The following SLIT3 variants were observed in gnomAD, a reference collection of about 807,000 sequenced individuals.
SLIT3 encodes slit guidance ligand 3, also known as slit homolog 3 protein.
In SLIT3, 68 loss-of-function variants were observed where a neutral mutation model predicts 184.0. The observed-to-expected ratio is 0.37, with a 90% CI of 0.30 to 0.45. The LOEUF is 0.45. SLIT3 is among the 20% of genes least tolerant of loss of function. The probability of loss-of-function intolerance (pLI) is 1.00; values close to 1 mark genes in which losing one functional copy is unlikely to be tolerated. For synonymous variants in SLIT3, 831 were observed against 828.6 expected (o/e 1.00, Z -0.05); for missense variants, 1,707 against 2,026.0 (o/e 0.84, Z 3.02).
chr5:168,679,427 C>T (rs570578427), intron 32 of SLIT3, among the ~76,000 whole-genome samples: 1 of 152,102 alleles, frequency 6.6e-6, no homozygotes, highest in South Asian at 2.1e-4. Context: ...TTGTGCTACC[C>T]TATGCTAAGC....
At chr5:168,754,439 G>C (rs1032559445) in intron 16 of SLIT3, among the ~76,000 whole-genome samples, 4 of 152,116 alleles carry the variant, frequency 2.6e-5, no homozygotes, top group Admixed American at 1.3e-4. Context: ...TAAAAAAGTT[G>C]ATCTCATGGA....
chr5:169,100,320 C>T (rs1389590604), intron 4 of SLIT3, among the ~76,000 whole-genome samples: 2 of 152,130 alleles, frequency 1.3e-5, no homozygotes, highest in African/African-American at 4.8e-5. Context: ...GGGATCAGTC[C>T]TGGCAAAGTC....
intron 4 of SLIT3, among the ~76,000 whole-genome samples, chr5:169,180,269 T>C (rs1165967388): frequency 6.6e-6 from 1 of 152,138 alleles, no homozygotes; most frequent in Non-Finnish European, 1.5e-5. Flanking sequence ...AGAAGGCTCA[T>C]GATGCTTCAG....
intron 4 of SLIT3, among the ~76,000 whole-genome samples, chr5:168,957,661 C>A (rs1762871927): frequency 6.6e-6 from 1 of 152,202 alleles, no homozygotes; most frequent in Non-Finnish European, 1.5e-5. Context: ...CTGGTCAAAG[C>A]AGACAGCTTC....
chr5:168,744,190 G>A (rs1181229150), intron 20 of SLIT3, among the ~76,000 whole-genome samples: 1 of 152,328 alleles, frequency 6.6e-6, no homozygotes, highest in East Asian at 1.9e-4. Context: ...GGGGGAGGCT[G>A]AGGCAGGAGA....
At chr5:168,759,087 C>T (rs944654419) in intron 16 of SLIT3, among the ~76,000 whole-genome samples, 1 of 152,154 alleles carries the variant, frequency 6.6e-6, no homozygotes. Flanking sequence ...TCATTGTGTA[C>T]ATGTAAACAT....
chr5:168,735,315 C>A (rs946951925), intron 20 of SLIT3, among the ~76,000 whole-genome samples: 1 of 152,060 alleles, frequency 6.6e-6, no homozygotes, highest in South Asian at 2.1e-4. Context: ...GAACTCAAAC[C>A]AGCTGATGTT....
chr5:169,099,819 G>A (rs1759938665), intron 4 of SLIT3, among the ~76,000 whole-genome samples: 1 of 152,174 alleles, frequency 6.6e-6, no homozygotes, highest in South Asian at 2.1e-4. Flanking sequence ...CCCTGCATTA[G>A]GTCAAGAAGG....
At chr5:169,041,905 T>C (rs1757459981) in intron 4 of SLIT3, among the ~76,000 whole-genome samples, 1 of 152,136 alleles carries the variant, frequency 6.6e-6, no homozygotes, top group Non-Finnish European at 1.5e-5. Context: ...AGTGGATAGG[T>C]ATAGGGTGCC....
At chr5:169,192,240 G>T (rs1171012473) in intron 4 of SLIT3, among the ~76,000 whole-genome samples, 5 of 152,128 alleles carry the variant, frequency 3.3e-5, no homozygotes, top group African/African-American at 1.2e-4. Flanking sequence ...CCTACATTTA[G>T]CAAAGTCAGC....
At chr5:169,002,322 C>CAAA (rs397999882) in intron 4 of SLIT3, among the ~76,000 whole-genome samples, 275 of 24,188 alleles carry the variant, frequency 0.011, 47 homozygotes, top group Middle Eastern at 0.11. Flanking sequence ...GACTCTGTCT[C>CAAA]AAAAAAAAAA....
chr5:168,720,023 C>T (rs1289188200), intron 23 of SLIT3: 1 of 152,208 alleles, frequency 6.6e-6, no homozygotes, highest in Non-Finnish European at 1.5e-5. Context: ...CAATGATCCT[C>T]CCACCTCCGC....
At chr5:168,907,977 T>G (rs9763366) in intron 4 of SLIT3, among the ~76,000 whole-genome samples, 25,660 of 59,532 alleles carry the variant, frequency 0.43, 5,074 homozygotes, top group African/African-American at 0.52. Context: ...TATATATATA[T>G]ATAGAGAGAG....
intron 32 of SLIT3, among the ~76,000 whole-genome samples, chr5:168,680,815 C>T (rs1360180722): frequency 1.3e-5 from 2 of 152,162 alleles, no homozygotes; most frequent in Non-Finnish European, 2.9e-5. Flanking sequence ...GGTCATGTCT[C>T]AGCTCAAACA....
chr5:169,126,702 G>A (rs1019028342), intron 4 of SLIT3, among the ~76,000 whole-genome samples: 1 of 152,250 alleles, frequency 6.6e-6, no homozygotes, highest in Non-Finnish European at 1.5e-5. Context: ...TGCTGGAGAT[G>A]CCCGAGTCTG....
At chr5:169,069,478 A>G (rs896858033) in intron 4 of SLIT3, among the ~76,000 whole-genome samples, 1 of 152,190 alleles carries the variant, frequency 6.6e-6, no homozygotes, top group Admixed American at 6.5e-5. Flanking sequence ...TCCCATGTGC[A>G]GGCCCTCTGC....
chr5:169,234,000 A>G (rs557564678), intron 3 of SLIT3, among the ~76,000 whole-genome samples: 1 of 152,322 alleles, frequency 6.6e-6, no homozygotes, highest in South Asian at 2.1e-4. Flanking sequence ...TAATATGTAA[A>G]ATGCTTTTAA....
chr5:168,906,118 C>T (rs1761044106), intron 4 of SLIT3, among the ~76,000 whole-genome samples: 1 of 152,058 alleles, frequency 6.6e-6, no homozygotes, highest in African/African-American at 2.4e-5. Context: ...AGATCACATT[C>T]CTCTCCCCAC....
chr5:168,813,216 C>A (rs886445756), intron 8 of SLIT3, among the ~76,000 whole-genome samples: 1 of 151,742 alleles, frequency 6.6e-6, no homozygotes, highest in South Asian at 2.1e-4. Context: ...CAAATTGCGA[C>A]TGGTAGAAAC....
Sources: allele counts gnomAD v4.1 joint callset (sites outside exome capture counted in the v4.1 genomes callset), GRCh38; gene constraint gnomAD v4.1.1; transcripts MANE v1.5; gene names NCBI Gene and HGNC (gene_info 2026-07-23, HGNC 2026-07-21).